The following PDZD2 variants were observed in gnomAD, a reference collection of about 807,000 sequenced individuals.
The protein encoded by PDZD2 is PDZ domain containing 2, also known as PDZ domain-containing protein 2.
PDZD2 carries 90 observed loss-of-function variants against 220.7 expected under a neutral mutation model. The ratio of observed to expected loss-of-function variants is 0.41; its 90% CI spans 0.34 to 0.49. The LOEUF (loss-of-function observed/expected upper bound fraction) is 0.49, where lower values mean the gene tolerates loss of function less well. PDZD2 is among the 20% of genes least tolerant of loss of function. The probability of loss-of-function intolerance (pLI) is 0.28; values close to 1 mark genes in which losing one functional copy is unlikely to be tolerated. For synonymous variants in PDZD2, 1,375 were observed against 1,450.5 expected (o/e 0.95, Z 1.18); for missense variants, 3,174 against 3,608.5 (o/e 0.88, Z 3.08).
rs969724368 is a variant in PDZD2, at chr5:31,751,113, G to A, written c.-360-47776G>A. ...CAAAAGTACCTGGGCGTGGTGGCACGCGCCTGTAGTCTCAGCTACTCGGAG... is the reference window on the plus strand; with the variant it reads ...CAAAAGTACCTGGGCGTGGTGGCACACGCCTGTAGTCTCAGCTACTCGGAG... On this transcript the variant is annotated intron_variant, in intron 1 of 24. Transcript: ENST00000438447. 6.6e-5 allele frequency among the ~76,000 whole-genome samples: 10 copies of A among 152,014 alleles called. No homozygotes were observed. The East Asian group carries it at 7.7e-4, about 12-fold the overall frequency.
intron 21 of PDZD2, among the ~76,000 whole-genome samples, chr5:32,095,847 T>C (rs1157871070): frequency 6.6e-6 from 1 of 151,282 alleles, no homozygotes; most frequent in Non-Finnish European, 1.5e-5. Context: ...TTCACGCCAT[T>C]CTCCTGCCTC....
At chr5:31,689,707 T>G (rs908977355) in intron 1 of PDZD2, among the ~76,000 whole-genome samples, 1 of 152,088 alleles carries the variant, frequency 6.6e-6, no homozygotes, top group African/African-American at 2.4e-5. Flanking sequence ...GATTCTCTTC[T>G]CTGTTCCCAA....
At chr5:31,852,641 G>A (rs1355273470) in intron 2 of PDZD2, among the ~76,000 whole-genome samples, 2 of 152,164 alleles carry the variant, frequency 1.3e-5, no homozygotes, top group African/African-American at 4.8e-5. Flanking sequence ...CTGTAGCCCA[G>A]GCTGGAGTGC....
intron 1 of PDZD2, among the ~76,000 whole-genome samples, chr5:31,661,785 G>GTTTTT (rs5867089): frequency 2.4e-4 from 34 of 141,812 alleles, no homozygotes; most frequent in Non-Finnish European, 3.2e-4. Context: ...TCCTCCCTTG[G>GTTTTT]TTTTTTTTTT....
At chr5:31,886,012 G>T (rs1326938052) in intron 2 of PDZD2, among the ~76,000 whole-genome samples, 2 of 151,850 alleles carry the variant, frequency 1.3e-5, no homozygotes, top group African/African-American at 2.4e-5. Context: ...TGATTCTCCT[G>T]CATCAGCCTC....
chr5:31,995,482 T>G, intron 3 of PDZD2, 94 bp from the exon 4 acceptor site: 2 of 1,262,656 alleles, frequency 1.6e-6, no homozygotes, highest in Non-Finnish European at 2.3e-6. Context: ...GGACAAGTGA[T>G]GGATATTCGG....
chr5:32,056,463 C>T (rs1339928798), intron 10 of PDZD2, among the ~76,000 whole-genome samples: 1 of 152,326 alleles, frequency 6.6e-6, no homozygotes, highest in South Asian at 2.1e-4. Context: ...ATCTGTTCTT[C>T]TCTCTGGGGC....
intron 2 of PDZD2, among the ~76,000 whole-genome samples, chr5:31,973,130 A>T (rs1351272216): frequency 6.6e-6 from 1 of 152,186 alleles, no homozygotes; most frequent in East Asian, 1.9e-4. Flanking sequence ...GCTTTTATTG[A>T]TTCATAAAGA....
At chr5:31,666,200 G>A (rs142925079) in intron 1 of PDZD2, among the ~76,000 whole-genome samples, 1,935 of 152,316 alleles carry the variant, frequency 0.013, 17 homozygotes, top group Admixed American at 0.026. Context: ...CTTTGACCAG[G>A]GAGGAGAAGG....
rs1359613023 is a variant in PDZD2 at position 32,090,811 on chromosome 5, A to G, written c.7363A>G (p.Thr2455Ala). 5.6e-6 allele frequency: 9 copies of G among 1,613,922 alleles called. No homozygotes were observed. Among genetic ancestry groups the G allele is most frequent in the African/African-American group, 1.3e-5 (1 of 74,966 alleles). Residue 2455 changes from threonine (T) to alanine (A), a missense_variant, in exon 20 of 25, where the codon ACG becomes GCG. By Grantham distance (58) the Thr-to-Ala change is moderately conservative. This residue lies in a region of PDZD2 where 631 missense variants were observed against 789.9 expected (regional missense o/e 0.80). Coordinates refer to ENST00000438447, the MANE Select transcript of PDZD2 (RefSeq NM_178140.4). This position sits in a 1 kb window ranked among gnomAD's most constrained non-coding sequence, Gnocchi z 4.3. ...SLGPLGIPTP[T>A]MTLASPVKRN... ...TGGTCCTTTGGGAATTCCCACCCCA[A>G]CGATGACCCTGGCTTCTCCTGTTAA... is the stretch of plus-strand genomic sequence containing the variant.
intron 5 of PDZD2, among the ~76,000 whole-genome samples, chr5:32,008,538 G>A (rs757075035): frequency 1.3e-5 from 2 of 151,958 alleles, no homozygotes; most frequent in Non-Finnish European, 2.9e-5. Context: ...CACCCGCCTC[G>A]GCCTCCCAAG....
intron 1 of PDZD2, among the ~76,000 whole-genome samples, chr5:31,673,764 A>C (rs1746299929): frequency 6.6e-6 from 1 of 152,176 alleles, no homozygotes; most frequent in Non-Finnish European, 1.5e-5. Flanking sequence ...TGAGGTCAGG[A>C]GTTCAAGACC....
chr5:31,983,234 A>G lies in PDZD2; in HGVS notation c.556A>G (p.Thr186Ala), dbSNP rs757727166. 5 of 1,614,032 alleles carry G rather than the reference A, an allele frequency of 3.1e-6. No individual in the cohort carries two copies. The African/African-American group carries it at 6.7e-5, about 22-fold the overall frequency. The change falls in exon 3 of 25, where the codon ACT becomes GCT. Residue 186 changes from threonine to alanine, a missense_variant. Coordinates refer to ENST00000438447, the MANE Select transcript of PDZD2 (RefSeq NM_178140.4). ...TCGCTTTAAGCACAAAGCCCACTCC[A>G]CTTATAATGGCAACAGTAGCAACAG... ...LRRFKHKAHSTYNGNSSNSSE... is the reference protein window; with the variant it reads ...LRRFKHKAHSAYNGNSSNSSE...
chr5:32,108,317 C>G lies in PDZD2; in HGVS notation c.*182C>G. On this transcript the variant is annotated 3_prime_UTR_variant, in exon 25 of 25. Coordinates refer to ENST00000438447, the MANE Select transcript of PDZD2 (RefSeq NM_178140.4). ...ATGTGCAACAGCAATGAAATTAACT[C>G]CAGAAGCCTTCCACCTGCGTCACCC... 2.2e-6 allele frequency: 1 copy of G among 445,780 alleles called. No individual in the cohort carries two copies. The highest frequency in any genetic ancestry group is 4.0e-5 in the Admixed American group (1 of 25,160). The allele number at this position is 445,780 out of a possible 1,614,324, so 27.6% of individuals were successfully genotyped here.
intron 24 of PDZD2, among the ~76,000 whole-genome samples, chr5:32,101,475 TAG>T (rs1335569853): frequency 6.6e-6 from 1 of 152,220 alleles, no homozygotes. Context: ...CTGAGGCACG[TAG>T]GGTCACACAG....
rs147236927 is a variant in PDZD2, at chr5:31,885,931, TA to T, written c.476+86211del. 4.0e-3 allele frequency among the ~76,000 whole-genome samples: 490 copies of T among 123,304 alleles called. 2 individuals carry two copies. Among genetic ancestry groups the T allele is most frequent in the African/African-American group, 0.011 (347 of 30,378 alleles). The allele number at this position is 123,304 out of a possible 152,430, so 80.9% of individuals were successfully genotyped here. On this transcript the variant is annotated intron_variant, in intron 2 of 24. Transcript: ENST00000438447. ...GAGTTAGTTTTTTGGTTTTTTTTTT[TA>T]AAATAATTTCTCTTTTTCTCCAGGC...
rs1370633914 is a variant in PDZD2, at chr5:31,639,517, C to T, written c.-361+80C>T. ...TGGGGGAGGCCCGGCACCCCCGAGA[C>T]CGTGTGTGCCCAGGAAAGTTTAGCT... On this transcript the variant is annotated intron_variant, in intron 1 of 24. Transcript: ENST00000438447. This position sits in a 1 kb window ranked among gnomAD's most constrained non-coding sequence, Gnocchi z 4.1. The T allele has an allele frequency of 3.9e-5, 6 of 151,978 alleles. No individual in the cohort carries two copies. The highest frequency in any genetic ancestry group is 8.8e-5 in the Non-Finnish European group (6 of 67,918). The allele number at this position is 151,978 out of a possible 1,614,324, so 9.4% of individuals were successfully genotyped here. A position where few individuals can be genotyped will look rare whatever the true frequency, so the allele number is the denominator to read the frequency against.
Position 32,108,686 on chromosome 5 carries a change from A to G in PDZD2, c.*551A>G, listed in dbSNP as rs1280644663. 1 of 152,714 alleles carries G rather than the reference A, an allele frequency of 6.5e-6. No homozygotes were observed. Among genetic ancestry groups the G allele is most frequent in the East Asian group, 1.9e-4 (1 of 5,202 alleles). The allele number at this position is 152,714 out of a possible 1,614,324, so 9.5% of individuals were successfully genotyped here. A position where few individuals can be genotyped will look rare whatever the true frequency, so the allele number is the denominator to read the frequency against. ...AGAATAAGACTTACTTAAAAAAATG[A>G]ATTATGACCTGTTAGGCTGAGCTCA... On this transcript the variant is annotated 3_prime_UTR_variant, in exon 25 of 25. Transcript: ENST00000438447.
chr5:31,655,384 G>A (rs984569744), intron 1 of PDZD2, among the ~76,000 whole-genome samples: 2 of 152,122 alleles, frequency 1.3e-5, no homozygotes, highest in Admixed American at 1.3e-4. Context: ...ATGTTGGTCA[G>A]GCTGGTCTTG....
Sources: gnomAD v4.1 joint callset for allele counts (sites outside exome capture counted in the v4.1 genomes callset) on GRCh38, gnomAD v4.1.1 for gene constraint, gnomAD v4.1.1 regional missense constraint, Gnocchi (gnomAD v3.1) non-coding constraint, MANE v1.5 for transcripts, NCBI Gene and HGNC (gene_info 2026-07-23, HGNC 2026-07-21) for gene names.